TPM4: variants seen among roughly 807,000 people sequenced by gnomAD.
TPM4 encodes the protein tropomyosin 4.
TPM4 carries 17 observed loss-of-function variants against 35.8 expected under a neutral mutation model. The observed-to-expected ratio is 0.47, with a 90% CI of 0.32 to 0.71. The LOEUF (loss-of-function observed/expected upper bound fraction) is 0.71, where lower values mean the gene tolerates loss of function less well. TPM4 is among the 30% of genes least tolerant of loss of function. The pLI is 0.03. For synonymous variants in TPM4, 120 were observed against 122.9 expected, an observed-to-expected ratio of 0.98 and a Z score of 0.15; for missense variants, 240 against 320.9, an observed-to-expected ratio of 0.75 and a Z score of 1.93.
intron 7 of TPM4, chr19:16,095,746 ATT>A (rs36086488): frequency 1.6e-5 from 5 of 307,316 alleles, no homozygotes; most frequent in Non-Finnish European, 2.4e-5. Context: ...CATGCCAATA[ATT>A]TTTTTTTGTT....
intron 5 of TPM4, among the ~76,000 whole-genome samples, chr19:16,092,350 A>G (rs1325584879): frequency 6.6e-6 from 1 of 151,946 alleles, no homozygotes; most frequent in Admixed American, 6.6e-5. Flanking sequence ...GGGGTTGGAA[A>G]TACAGAGGGG....
At position 16,076,539 on chromosome 19, in the gene TPM4, G is replaced by T; in HGVS notation, c.-27G>T. 2 of 1,431,974 alleles carry T rather than the reference G, an allele frequency of 1.4e-6. No homozygotes were observed. Among genetic ancestry groups the T allele is most frequent in the Non-Finnish European group, 1.8e-6 (2 of 1,096,158 alleles). 88.7% of individuals were successfully genotyped at this position (1,431,974 alleles called of 1,614,324 possible). A position where few individuals can be genotyped will look rare whatever the true frequency, so the allele number is the denominator to read the frequency against. ...CGAGCCCAGCCGAGCGTCCGCCGCT[G>T]CCCGTGCGCCTCTGCGCCTCCGCGC... On this transcript the variant is annotated 5_prime_UTR_variant, in exon 1 of 8. Coordinates refer to ENST00000643579, the MANE Select transcript of TPM4 (RefSeq NM_003290.3).
intron 7 of TPM4, among the ~76,000 whole-genome samples, chr19:16,094,242 A>T (rs2090666628): frequency 6.6e-6 from 1 of 152,090 alleles, no homozygotes; most frequent in Non-Finnish European, 1.5e-5. Context: ...ATAATAAATT[A>T]AAAATCTCAG....
At chr19:16,095,516 C>T in intron 7 of TPM4, 3 of 1,018,268 alleles carry the variant, frequency 2.9e-6, no homozygotes, top group Non-Finnish European at 3.5e-6. Flanking sequence ...CTCTTCATGC[C>T]CCCTCATTCT....
At chr19:16,096,860 C>G (rs1327807428) in intron 7 of TPM4, among the ~76,000 whole-genome samples, 1 of 147,028 alleles carries the variant, frequency 6.8e-6, no homozygotes, top group African/African-American at 2.5e-5. Context: ...TTTAGAATAG[C>G]TCTTAAGGTT....
chr19:16,092,187 A>AAAAAG (rs1190055992), intron 5 of TPM4, among the ~76,000 whole-genome samples: 395 of 151,958 alleles, frequency 2.6e-3, no homozygotes, highest in Middle Eastern at 0.01. Context: ...GAAAAAAAAA[A>AAAAAG]AAAAGAAAAG....
chr19:16,100,950 A>C, intron 7 of TPM4: 1 of 204,326 alleles, frequency 4.9e-6, no homozygotes, highest in Non-Finnish European at 1.0e-5. Flanking sequence ...TGGGTGGATC[A>C]CTTGAGGTCA....
chr19:16,097,982 G>T (rs1448873199), intron 7 of TPM4, among the ~76,000 whole-genome samples: 1 of 152,054 alleles, frequency 6.6e-6, no homozygotes, highest in Admixed American at 6.6e-5. Flanking sequence ...CCATATATAT[G>T]CCCTTGGAAA....
chr19:16,071,680 T>G (rs1371746705), upstream of TPM4, among the ~76,000 whole-genome samples: 4 of 152,144 alleles, frequency 2.6e-5, no homozygotes, highest in African/African-American at 7.2e-5. Context: ...TAGAGGCACT[T>G]AGAGCGCCTG....
At chr19:16,077,045 G>A in intron 1 of TPM4, 1 of 219,156 alleles carries the variant, frequency 4.6e-6, no homozygotes, top group Non-Finnish European at 8.6e-6. Context: ...TCCGGGGCTG[G>A]CGCCGGGGTC....
chr19:16,092,752 T>C lies in TPM4; in HGVS notation c.532-784T>C, dbSNP rs548995550. On this transcript the variant is annotated intron_variant, in intron 5 of 7. Coordinates refer to ENST00000643579, the MANE Select transcript of TPM4 (RefSeq NM_003290.3). Reference sequence around the variant, plus strand: ...CGTTTCGCCATGTTGGCCAGGCTGGTCTCGAACTCCTGACCTCAAGCGATC... The same window carrying C: ...CGTTTCGCCATGTTGGCCAGGCTGGCCTCGAACTCCTGACCTCAAGCGATC... Among the ~76,000 whole-genome samples, 127 of 152,286 alleles carry C rather than the reference T, an allele frequency of 8.3e-4. 1 individual carries two copies. Among genetic ancestry groups the C allele is most frequent in the African/African-American group, 2.9e-3 (120 of 41,578 alleles).
rs375129778 is a variant in TPM4 at position 16,095,488 on chromosome 19, T to C, written c.664+1735T>C. 8.8e-6 allele frequency: 9 copies of C among 1,022,108 alleles called. No individual in the cohort carries two copies. The East Asian group carries it at 2.6e-4, about 29-fold the overall frequency. 63.3% of individuals were successfully genotyped at this position (1,022,108 alleles called of 1,614,324 possible). On this transcript the variant is annotated intron_variant, in intron 7 of 7. Coordinates refer to ENST00000643579, the MANE Select transcript of TPM4 (RefSeq NM_003290.3). ...TGTGTCTGTGACTCTACAACCGAAA[T>C]AAAGACGGGCAGTCCTCCTCTTCAT...
chr19:16,088,119 A>T (rs370009172), intron 4 of TPM4, 22 bp downstream of exon 4: 12 of 1,604,506 alleles, frequency 7.5e-6, no homozygotes, highest in Non-Finnish European at 1.0e-5. Flanking sequence ...AACAGGACTG[A>T]GCGAGGCTGG....
intron 4 of TPM4, chr19:16,088,761 C>G: frequency 8.5e-7 from 1 of 1,170,600 alleles, no homozygotes; most frequent in African/African-American, 1.6e-5. Context: ...ATAGATTTCA[C>G]AAGTCCTTGC....
intron 2 of TPM4, among the ~76,000 whole-genome samples, chr19:16,069,680 TG>T (rs980826858): frequency 2.1e-5 from 3 of 144,486 alleles, no homozygotes; most frequent in African/African-American, 5.2e-5. Flanking sequence ...GTGTTTCTGT[TG>T]GGGTGTGTGT....
Position 16,089,107 on chromosome 19 carries a change from C to T in TPM4, c.518C>T (p.Ala173Val), listed in dbSNP as rs762783038. 146 of 1,613,646 alleles carry T rather than the reference C, an allele frequency of 9.0e-5. No individual in the cohort carries two copies. The highest frequency in any genetic ancestry group is 1.1e-4 in the Non-Finnish European group (131 of 1,180,002). Residue 173 changes from alanine (A) to valine (V), a missense_variant, in exon 5 of 8, where the codon GCT (alanine) becomes GTT (valine). Ala to Val is a moderately conservative substitution (Grantham distance 64). Transcript: ENST00000643579. ...ACTAACAATCTGAAATCTCTGGAGG[C>T]TGCATCTGAAAAGGTAGGTGGTTGG... is the stretch of plus-strand genomic sequence containing the variant. ...NVTNNLKSLE[A>V]ASEKYSEKED...
chr19:16,076,458 C>T, upstream of TPM4: 1 of 1,336,898 alleles, frequency 7.5e-7, no homozygotes, highest in Non-Finnish European at 9.5e-7. Flanking sequence ...GGGGCGGCCC[C>T]CGCGCAGGCA....
chr19:16,099,903 T>C (rs2090745353), intron 7 of TPM4: 1 of 152,214 alleles, frequency 6.6e-6, no homozygotes, highest in South Asian at 2.1e-4. Flanking sequence ...GTCTCCGTTC[T>C]CCTGGATTCA....
chr19:16,076,794 C>T (rs1273395980), intron 1 of TPM4, 97 bp downstream of exon 1: 2 of 1,269,342 alleles, frequency 1.6e-6, no homozygotes, highest in Non-Finnish European at 2.0e-6. Flanking sequence ...GCGCGCAGTC[C>T]TCGGGCCGCC....
Sources: gnomAD v4.1 joint callset for allele counts (sites outside exome capture counted in the v4.1 genomes callset) on GRCh38, gnomAD v4.1.1 for gene constraint, MANE v1.5 for transcripts, NCBI Gene and HGNC (gene_info 2026-07-23, HGNC 2026-07-21) for gene names.